GOLPH3L: variants seen among roughly 807,000 people sequenced by gnomAD.
The protein encoded by GOLPH3L is golgi phosphoprotein 3 like.
A neutral mutation model predicts 30.3 loss-of-function variants in GOLPH3L; 22 were observed. The ratio of observed to expected loss-of-function variants is 0.73; its 90% CI spans 0.52 to 1.04. The LOEUF (loss-of-function observed/expected upper bound fraction) is 1.04, where lower values mean the gene tolerates loss of function less well. Among genes scored for constraint, GOLPH3L ranks in the 50% least tolerant of loss-of-function variants. The pLI is 0.00. For synonymous variants in GOLPH3L, 120 were observed against 128.2 expected (o/e 0.94, Z 0.43); for missense variants, 303 against 345.8 (o/e 0.88, Z 0.98).
Position 150,647,992 on chromosome 1 carries a change from G to A in GOLPH3L, c.*329C>T. 1 of 250,656 alleles carries A rather than the reference G, an allele frequency of 4.0e-6. No individual in the cohort carries two copies. The highest frequency in any genetic ancestry group is 7.7e-5 in the East Asian group (1 of 13,056). 15.5% of individuals were successfully genotyped at this position (250,656 alleles called of 1,614,324 possible). On this transcript the variant is annotated 3_prime_UTR_variant, in exon 5 of 5. Transcript: ENST00000271732. ...TTTATCTCATTCACATTCTATAGCT[G>A]GAGAACTCAAAATCCCATTTAGATA...
intron 2 of GOLPH3L, among the ~76,000 whole-genome samples, chr1:150,669,687 C>T (rs936309583): frequency 2.0e-5 from 3 of 152,140 alleles, no homozygotes; most frequent in Non-Finnish European, 4.4e-5. Context: ...GTAGGCCGGG[C>T]GCGGTGGCTC....
intron 2 of GOLPH3L, among the ~76,000 whole-genome samples, chr1:150,675,898 G>A (rs1017645019): frequency 6.7e-6 from 1 of 150,218 alleles, no homozygotes; most frequent in Non-Finnish European, 1.5e-5. Context: ...GTCTAAAACT[G>A]AGTAATGTGG....
Position 150,648,206 on chromosome 1 carries a change from T to C in GOLPH3L, c.*115A>G, listed in dbSNP as rs1340330960. The stretch of plus-strand genomic sequence containing the variant: ...AGTTGCTCTCCCCAAATCACAAGTC[T>C]GATTCAAGAAAAGGAAACAAAAATG... On this transcript the variant is annotated 3_prime_UTR_variant, in exon 5 of 5. Coordinates refer to ENST00000271732, the MANE Select transcript of GOLPH3L (RefSeq NM_018178.6). 1.1e-5 allele frequency: 8 copies of C among 745,982 alleles called. No homozygotes were observed. Among genetic ancestry groups the C allele is most frequent in the Non-Finnish European group, 1.7e-5 (8 of 460,802 alleles). 46.2% of individuals were successfully genotyped at this position (745,982 alleles called of 1,614,324 possible). A position where few individuals can be genotyped will look rare whatever the true frequency, so the allele number is the denominator to read the frequency against.
chr1:150,685,909 C>G (rs1250697439), intron 2 of GOLPH3L, among the ~76,000 whole-genome samples: 1 of 134,800 alleles, frequency 7.4e-6, no homozygotes, highest in Non-Finnish European at 1.5e-5. Context: ...GAGTCTTGCT[C>G]TGTTGCCCAG....
At chr1:150,659,570 T>C (rs1431860896) in intron 4 of GOLPH3L, among the ~76,000 whole-genome samples, 2 of 152,206 alleles carry the variant, frequency 1.3e-5, no homozygotes, top group Non-Finnish European at 2.9e-5. Context: ...TCAATAAATA[T>C]GTGGGTAAAT....
chr1:150,654,527 A>C (rs1650199823), intron 4 of GOLPH3L, among the ~76,000 whole-genome samples: 1 of 151,998 alleles, frequency 6.6e-6, no homozygotes, highest in African/African-American at 2.4e-5. Context: ...AAACAAAAAA[A>C]CAAAAAACGA....
intron 4 of GOLPH3L, among the ~76,000 whole-genome samples, chr1:150,654,328 G>A (rs1650191836): frequency 6.6e-6 from 1 of 151,388 alleles, no homozygotes; most frequent in Non-Finnish European, 1.5e-5. Context: ...CCAGTATAGG[G>A]AAACCCTATC....
At position 150,661,904 on chromosome 1, in the gene GOLPH3L, T is replaced by C. The variant is rs979049209; in HGVS notation, c.340A>G (p.Thr114Ala). ...GTTTCATCCAGTAAAACATCACCTG[T>C]TGGGCTGTCTGACTTTAGCAGTACC... ...RKVLLKSDSP[T>A]GDVLLDETLK... is the part of the protein sequence containing the mutation. Residue 114 changes from threonine to alanine, a missense_variant, in exon 4 of 5, where the codon ACA becomes GCA. Thr to Ala is a moderately conservative substitution (Grantham distance 58, BLOSUM62 0). Coordinates refer to ENST00000271732, the MANE Select transcript of GOLPH3L (RefSeq NM_018178.6). The C allele has an allele frequency of 6.3e-7, 1 of 1,576,164 alleles. No homozygotes were observed. The highest frequency in any genetic ancestry group is 1.3e-5 in the African/African-American group (1 of 74,324).
At chr1:150,691,455 G>A (rs114269436) in intron 2 of GOLPH3L, among the ~76,000 whole-genome samples, 23 of 152,068 alleles carry the variant, frequency 1.5e-4, no homozygotes, top group Non-Finnish European at 2.5e-4. Context: ...GGCGCAGGTT[G>A]CAGTGAGCCA....
intron 4 of GOLPH3L, among the ~76,000 whole-genome samples, chr1:150,651,755 G>T (rs1188619441): frequency 6.7e-6 from 1 of 148,894 alleles, no homozygotes; most frequent in Non-Finnish European, 1.5e-5. Context: ...AGAGATCAAA[G>T]AAATTATGTA....
chr1:150,671,043 C>T (rs1650632181), intron 2 of GOLPH3L, among the ~76,000 whole-genome samples: 1 of 151,868 alleles, frequency 6.6e-6, no homozygotes, highest in Admixed American at 6.6e-5. Context: ...AGTTTGAGAC[C>T]AGCCTGGCCA....
chr1:150,661,141 T>C (rs587727353), intron 4 of GOLPH3L, among the ~76,000 whole-genome samples: 69 of 152,216 alleles, frequency 4.5e-4, no homozygotes, highest in Non-Finnish European at 7.9e-4. Flanking sequence ...GGCAGGAGAA[T>C]TGCTTGAACC....
chr1:150,693,547 C>T (rs1008754351), intron 2 of GOLPH3L, among the ~76,000 whole-genome samples: 5 of 151,680 alleles, frequency 3.3e-5, no homozygotes, highest in African/African-American at 1.2e-4. Context: ...ATGTTACCTT[C>T]GTAACTTCTT....
rs1178827233 is a variant in GOLPH3L at position 150,647,509 on chromosome 1, A to C, written c.*812T>G. 4 of 153,004 alleles carry C rather than the reference A, an allele frequency of 2.6e-5. No individual in the cohort carries two copies. Among genetic ancestry groups the C allele is most frequent in the Admixed American group, 1.3e-4 (2 of 15,234 alleles). The allele number at this position is 153,004 out of a possible 1,614,324, so 9.5% of individuals were successfully genotyped here. A position where few individuals can be genotyped will look rare whatever the true frequency, so the allele number is the denominator to read the frequency against. On this transcript the variant is annotated 3_prime_UTR_variant, in exon 5 of 5. Coordinates refer to ENST00000271732, the MANE Select transcript of GOLPH3L (RefSeq NM_018178.6). ...CTGTCTCAAAAGAAAAAAAAAAAAA[A>C]AGTGGCCTGGGGGAAACAGGACAGT...
chr1:150,651,137 C>T (rs893058228), intron 4 of GOLPH3L, among the ~76,000 whole-genome samples: 1 of 151,496 alleles, frequency 6.6e-6, no homozygotes, highest in Non-Finnish European at 1.5e-5. Context: ...GCCAACATGG[C>T]GAAACGCCAT....
At chr1:150,650,695 G>A (rs189090863) in intron 4 of GOLPH3L, among the ~76,000 whole-genome samples, 9 of 152,204 alleles carry the variant, frequency 5.9e-5, no homozygotes, top group East Asian at 1.9e-4. Context: ...CCATCCCCCC[G>A]TCTCCCACCC....
In GOLPH3L at chr1:150,694,820, G is replaced by C. The variant is rs908864721; in HGVS notation, c.19C>G (p.Arg7Gly). The C allele has an allele frequency of 7.5e-6, 12 of 1,609,634 alleles. No individual in the cohort carries two copies. Among genetic ancestry groups the C allele is most frequent in the Non-Finnish European group, 1.0e-5 (12 of 1,178,124 alleles). ...TTGCTTATTTCAGTGCGACGGGCCC[G>C]GTGAGTTAAAGTGGTCATTCTCACC... MTTLTH[R>G]ARRTEISKNS... Residue 7 changes from arginine to glycine, a missense_variant, in exon 2 of 5, where the codon CGG becomes GGG. Coordinates refer to ENST00000271732, the MANE Select transcript of GOLPH3L (RefSeq NM_018178.6).
intron 2 of GOLPH3L, among the ~76,000 whole-genome samples, chr1:150,677,065 T>C (rs957698238): frequency 6.7e-6 from 1 of 150,304 alleles, no homozygotes; most frequent in Non-Finnish European, 1.5e-5. Context: ...GTAATTTTAT[T>C]TTATTATTTA....
At chr1:150,679,962 A>T (rs929245121) in intron 2 of GOLPH3L, among the ~76,000 whole-genome samples, 10 of 152,006 alleles carry the variant, frequency 6.6e-5, no homozygotes, top group Non-Finnish European at 1.3e-4. Context: ...GAATAATAAT[A>T]AAAAAAAGAA....
Sources: allele counts gnomAD v4.1 joint callset (sites outside exome capture counted in the v4.1 genomes callset), GRCh38; gene constraint gnomAD v4.1.1; transcripts MANE v1.5; gene names NCBI Gene and HGNC (gene_info 2026-07-23, HGNC 2026-07-21).